The following GSAP variants were observed in gnomAD, a reference collection of about 807,000 sequenced individuals.
GSAP encodes the protein gamma-secretase activating protein, also known as gamma-secretase-activating protein.
GSAP carries 118 observed loss-of-function variants against 131.7 expected under a neutral mutation model. The observed-to-expected ratio is 0.90, with a 90% CI of 0.77 to 1.04. The LOEUF is 1.04. Among genes scored for constraint, GSAP ranks in the 50% least tolerant of loss-of-function variants. The probability of loss-of-function intolerance (pLI) is 0.00; values close to 1 mark genes in which losing one functional copy is unlikely to be tolerated. For missense variants in GSAP, 1,019 were observed against 1,013.2 expected (o/e 1.01, Z -0.08); for synonymous variants, 381 against 363.4 (o/e 1.05, Z -0.55).
At chr7:77,368,615 G>T (rs1795663377) in intron 12 of GSAP, among the ~76,000 whole-genome samples, 1 of 152,204 alleles carries the variant, frequency 6.6e-6, no homozygotes, top group African/African-American at 2.4e-5. Context: ...CCCAGATTGA[G>T]AACCACTTTT....
intron 24 of GSAP, among the ~76,000 whole-genome samples, chr7:77,322,196 T>A (rs1787741340): frequency 6.6e-6 from 1 of 152,252 alleles, no homozygotes; most frequent in African/African-American, 2.4e-5. Context: ...TGGCTGAAAT[T>A]AAGTAAGTTA....
intron 18 of GSAP, among the ~76,000 whole-genome samples, chr7:77,350,358 G>A (rs1344532206): frequency 6.7e-6 from 1 of 149,354 alleles, no homozygotes; most frequent in African/African-American, 2.5e-5. Context: ...CACCAGCATG[G>A]CACATGTATA....
At chr7:77,396,838 A>T (rs895607760) in intron 5 of GSAP, 144 bp downstream of exon 5, 1 of 500,222 alleles carries the variant, frequency 2.0e-6, no homozygotes, top group African/African-American at 2.0e-5. Context: ...AGTCTTTTTC[A>T]TGCTTGACAT....
At chr7:77,393,065 T>TA (rs1360707441) in intron 5 of GSAP, among the ~76,000 whole-genome samples, 4 of 150,702 alleles carry the variant, frequency 2.7e-5, no homozygotes, top group Non-Finnish European at 4.4e-5. Context: ...CATTACTGAT[T>TA]AAAAAAAGAA....
In GSAP at chr7:77,375,202, G is replaced by C. The variant is rs1447150595; in HGVS notation, c.742-101C>G. 4.7e-6 allele frequency: 3 copies of C among 640,528 alleles called. No individual in the cohort carries two copies. In the East Asian group the frequency reaches 8.5e-5, roughly 18 times the overall value. 39.7% of individuals were successfully genotyped at this position (640,528 alleles called of 1,614,324 possible). A position where few individuals can be genotyped will look rare whatever the true frequency, so the allele number is the denominator to read the frequency against. ...AGTAAACCAGAAAAATATTATGTTT[G>C]CCTAATAATGATATTTAACCATCAT... On this transcript the variant is annotated intron_variant, in intron 10 of 30. Coordinates refer to ENST00000257626, the MANE Select transcript of GSAP (RefSeq NM_017439.4).
chr7:77,324,310 C>T (rs1298240581), intron 23 of GSAP, among the ~76,000 whole-genome samples: 3 of 152,198 alleles, frequency 2.0e-5, no homozygotes, highest in Non-Finnish European at 4.4e-5. Flanking sequence ...TTTCTATACT[C>T]GCTTTGTTTG....
intron 19 of GSAP, among the ~76,000 whole-genome samples, chr7:77,335,555 T>G (rs2150720877): frequency 6.6e-6 from 1 of 152,204 alleles, no homozygotes; most frequent in East Asian, 1.9e-4. Flanking sequence ...TCACAACTAT[T>G]CACTGAACAA....
intron 26 of GSAP, among the ~76,000 whole-genome samples, chr7:77,317,582 C>G (rs754220570): frequency 6.6e-6 from 1 of 152,146 alleles, no homozygotes; most frequent in Non-Finnish European, 1.5e-5. Flanking sequence ...AGCCATAAGT[C>G]TACTTATAAT....
intron 26 of GSAP, among the ~76,000 whole-genome samples, chr7:77,317,618 C>T (rs1787034646): frequency 6.6e-6 from 1 of 152,186 alleles, no homozygotes; most frequent in Non-Finnish European, 1.5e-5. Flanking sequence ...TGGATAACAT[C>T]TTTGTTTTCC....
At position 77,387,428 on chromosome 7, in the gene GSAP, A is replaced by G; in HGVS notation, c.388T>C (p.Leu130=). The change falls in exon 6 of 31, where the codon TTG becomes CTG. Residue 130 remains leucine, a synonymous_variant. Transcript: ENST00000257626. ...TTGTTAACAGGGTGGATTTCAACCAACAAAGTCAAGCACTTTGATCCTACA... is the reference window on the plus strand; with the variant it reads ...TTGTTAACAGGGTGGATTTCAACCAGCAAAGTCAAGCACTTTGATCCTACA... The part of the protein sequence containing the change: ...LQPGSKCLTL[L]VEIHPVNNVK... 1 of 1,595,156 alleles carries G rather than the reference A, an allele frequency of 6.3e-7. No homozygotes were observed. Among genetic ancestry groups the G allele is most frequent in the Non-Finnish European group, 8.6e-7 (1 of 1,162,796 alleles).
At chr7:77,321,611 T>A (rs35429354) in intron 24 of GSAP, among the ~76,000 whole-genome samples, 36,397 of 152,086 alleles carry the variant, frequency 0.24, 5,014 homozygotes, top group South Asian at 0.32. Context: ...TAACAAAGCA[T>A]CCTCTGTTTG....
chr7:77,397,167 C>T (rs1800554523), intron 4 of GSAP, 132 bp from the exon 5 acceptor site: 1 of 694,712 alleles, frequency 1.4e-6, no homozygotes, highest in African/African-American at 1.8e-5. Context: ...GAACACAAAG[C>T]ATTCTTTTTT....
rs1411317060 is a variant in GSAP, at chr7:77,371,427, TTTTC to T, written c.871+2639_871+2642del. 7.1e-5 allele frequency among the ~76,000 whole-genome samples: 3 copies of T among 42,334 alleles called. No individual in the cohort carries two copies. The Admixed American group carries it at 1.1e-3, about 16-fold the overall frequency. 27.8% of individuals were successfully genotyped at this position (42,334 alleles called of 152,430 possible). On this transcript the variant is annotated intron_variant, in intron 12 of 30. Coordinates refer to ENST00000257626, the MANE Select transcript of GSAP (RefSeq NM_017439.4). ...CCTTCTCCAATCCGTCCTCCATCTT[TTTTC>T]TTTTTTTTTTTTTTTTTTTTTAAGA...
At position 77,404,543 on chromosome 7, in the gene GSAP, A is replaced by T; in HGVS notation, c.243+16T>A. 7.2e-7 allele frequency: 1 copy of T among 1,384,532 alleles called. No individual in the cohort carries two copies. The highest frequency in any genetic ancestry group is 1.0e-6 in the Non-Finnish European group (1 of 974,108). The allele number at this position is 1,384,532 out of a possible 1,614,324, so 85.8% of individuals were successfully genotyped here. Reference sequence around the variant, plus strand: ...AAAGGCAGTAAAGTAACCAATGAGTAATCTATGATTTTTACCTCATTTTGT... The same window carrying T: ...AAAGGCAGTAAAGTAACCAATGAGTTATCTATGATTTTTACCTCATTTTGT... On this transcript the variant is annotated intron_variant, in intron 3 of 30. Coordinates refer to ENST00000257626, the MANE Select transcript of GSAP (RefSeq NM_017439.4).
At chr7:77,397,760 T>C (rs1367667836) in intron 3 of GSAP, among the ~76,000 whole-genome samples, 3 of 152,112 alleles carry the variant, frequency 2.0e-5, no homozygotes, top group African/African-American at 4.8e-5. Flanking sequence ...TATCCCCCCA[T>C]TGGTAAAATA....
In GSAP at chr7:77,314,372, T is replaced by A; in HGVS notation, c.2207A>T (p.Lys736Ile). The A allele has an allele frequency of 6.2e-7, 1 of 1,613,634 alleles. No homozygotes were observed. The highest frequency in any genetic ancestry group is 8.5e-7 in the Non-Finnish European group (1 of 1,179,718). ...LTETAVIRLM[K>I]DLDNTEKNEK... ...CTGGCAAACTCAGGGCTTCTTACCT[T>A]TCATGAGCCTTATGACAGCTGTTTC... Residue 736 changes from lysine to isoleucine, a missense_variant and splice_region_variant, in exon 27 of 31, where the codon AAA becomes ATA. By Grantham distance (102) the Lys-to-Ile change is moderately radical. Transcript: ENST00000257626.
intron 18 of GSAP, chr7:77,351,354 A>G (rs1459039730): frequency 1.0e-6 from 1 of 956,922 alleles, no homozygotes; most frequent in Non-Finnish European, 1.2e-6. Context: ...ATCTTAAAAA[A>G]TCCAAGTCAG....
At chr7:77,399,109 G>GTGA (rs1248361376) in intron 3 of GSAP, among the ~76,000 whole-genome samples, 2 of 152,280 alleles carry the variant, frequency 1.3e-5, no homozygotes, top group South Asian at 4.1e-4. Context: ...ATAAACCTGT[G>GTGA]TGAATTTGTG....
chr7:77,385,034 C>CT (rs1228460297), intron 6 of GSAP, among the ~76,000 whole-genome samples: 2,995 of 139,742 alleles, frequency 0.021, 44 homozygotes, highest in African/African-American at 0.041. Context: ...GTACTTCTAA[C>CT]TTTTTTTTTT....
Sources: gnomAD v4.1 joint callset for allele counts (sites outside exome capture counted in the v4.1 genomes callset) on GRCh38, gnomAD v4.1.1 for gene constraint, MANE v1.5 for transcripts, NCBI Gene and HGNC (gene_info 2026-07-23, HGNC 2026-07-21) for gene names.